Variants in CDC42SE2 observed in about 807,000 individuals in gnomAD.
The protein encoded by CDC42SE2 is CDC42 small effector protein 2.
CDC42SE2 carries 3 observed loss-of-function variants against 11.5 expected under a neutral mutation model. The ratio of observed to expected loss-of-function variants is 0.26; its 90% CI spans 0.12 to 0.67. The LOEUF (loss-of-function observed/expected upper bound fraction) is 0.67, where lower values mean the gene tolerates loss of function less well. CDC42SE2 is among the 30% of genes least tolerant of loss of function. The pLI, the probability that CDC42SE2 is intolerant of heterozygous loss-of-function variation, is 0.80. For missense variants in CDC42SE2, 82 were observed against 106.8 expected (o/e 0.77, Z 1.02); for synonymous variants, 33 against 34.8 (o/e 0.95, Z 0.18).
chr5:131,308,729 T>C (rs1190797934), intron 1 of CDC42SE2, among the ~76,000 whole-genome samples: 2 of 148,314 alleles, frequency 1.3e-5, no homozygotes, highest in Non-Finnish European at 3.0e-5. Flanking sequence ...AGTTCACTCA[T>C]GATTTGGCTC....
At chr5:131,292,472 G>A (rs1334806977) in intron 1 of CDC42SE2, among the ~76,000 whole-genome samples, 3 of 150,144 alleles carry the variant, frequency 2.0e-5, no homozygotes, top group African/African-American at 7.3e-5. Flanking sequence ...GGAGGCTGAG[G>A]CAGGAGAATT....
At chr5:131,339,100 T>C (rs941203837) in intron 2 of CDC42SE2, among the ~76,000 whole-genome samples, 1 of 151,122 alleles carries the variant, frequency 6.6e-6, no homozygotes, top group Admixed American at 6.6e-5. Flanking sequence ...AGAAATAAAT[T>C]AGCTGGGCGT....
chr5:131,296,696 A>T (rs1357921166), intron 1 of CDC42SE2, among the ~76,000 whole-genome samples: 1 of 152,196 alleles, frequency 6.6e-6, no homozygotes. Context: ...GTAAGGTCAC[A>T]TTCAGAGGTA....
At chr5:131,354,935 A>C (rs919584939) in intron 2 of CDC42SE2, among the ~76,000 whole-genome samples, 1 of 152,166 alleles carries the variant, frequency 6.6e-6, no homozygotes, top group African/African-American at 2.4e-5. Flanking sequence ...CTCATGCTTC[A>C]GCTGCGCCAA....
At chr5:131,306,790 C>A (rs1757786946) in intron 1 of CDC42SE2, among the ~76,000 whole-genome samples, 1 of 152,042 alleles carries the variant, frequency 6.6e-6, no homozygotes, top group African/African-American at 2.4e-5. Flanking sequence ...TAGTTTTCAG[C>A]CTACAGATCT....
At chr5:131,347,507 A>G (rs1367167385) in intron 2 of CDC42SE2, among the ~76,000 whole-genome samples, 1 of 152,214 alleles carries the variant, frequency 6.6e-6, no homozygotes, top group Non-Finnish European at 1.5e-5. Context: ...GCAATAATCA[A>G]TAGCCTACCA....
At chr5:131,285,403 A>G (rs539604233) in intron 1 of CDC42SE2, among the ~76,000 whole-genome samples, 2 of 152,326 alleles carry the variant, frequency 1.3e-5, no homozygotes, top group Admixed American at 6.5e-5. Flanking sequence ...TTAATATTCT[A>G]TATTGATTCA....
At chr5:131,247,341 G>A (rs536589023) in intron 1 of CDC42SE2, among the ~76,000 whole-genome samples, 20 of 152,204 alleles carry the variant, frequency 1.3e-4, no homozygotes, top group Middle Eastern at 3.4e-3. Context: ...TAAAACAGCC[G>A]GGCGAGGTGG....
chr5:131,273,216 C>T (rs1232497132), intron 1 of CDC42SE2, among the ~76,000 whole-genome samples: 5 of 146,636 alleles, frequency 3.4e-5, no homozygotes, highest in East Asian at 2.0e-4. Context: ...AGTGCAGTGG[C>T]GTGATCTTGG....
chr5:131,212,704 T>C, the CDC42SE2 span, among the ~76,000 whole-genome samples: 1 of 152,174 alleles, frequency 6.6e-6, no homozygotes, highest in Non-Finnish European at 1.5e-5. Context: ...CTTTCTGGCA[T>C]ATGGGGATTT....
intron 1 of CDC42SE2, among the ~76,000 whole-genome samples, chr5:131,290,308 G>A (rs922586391): frequency 3.3e-5 from 5 of 152,100 alleles, no homozygotes; most frequent in African/African-American, 9.7e-5. Context: ...CCCCTGGAAA[G>A]TATCAAACCT....
chr5:131,352,625 G>T (rs1749376710), intron 2 of CDC42SE2, among the ~76,000 whole-genome samples: 1 of 152,202 alleles, frequency 6.6e-6, no homozygotes, highest in Non-Finnish European at 1.5e-5. Context: ...CAGAGAAGTA[G>T]CTGTGTGATA....
At chr5:131,223,817 C>G in the CDC42SE2 span, among the ~76,000 whole-genome samples, 1 of 152,180 alleles carries the variant, frequency 6.6e-6, no homozygotes, top group African/African-American at 2.4e-5. Flanking sequence ...CTCAACTTTT[C>G]CTTTACCACT....
At chr5:131,235,079 A>G in the CDC42SE2 span, among the ~76,000 whole-genome samples, 1 of 151,372 alleles carries the variant, frequency 6.6e-6, no homozygotes. Context: ...TTAGTAGAGA[A>G]GCGGTTTCAC....
chr5:131,265,142 G>C (rs1478733974), intron 1 of CDC42SE2, among the ~76,000 whole-genome samples: 1 of 152,002 alleles, frequency 6.6e-6, no homozygotes, highest in African/African-American at 2.4e-5. Context: ...ACGTTTTTTA[G>C]TTTTTGTCCC....
intron 1 of CDC42SE2, among the ~76,000 whole-genome samples, chr5:131,309,798 A>T (rs369177932): frequency 3.3e-5 from 5 of 151,898 alleles, no homozygotes; most frequent in Admixed American, 6.6e-5. Context: ...TGATATCCCC[A>T]TTATCATTTT....
In CDC42SE2 at chr5:131,393,542, G is replaced by A. The variant is rs1487911019; in HGVS notation, c.*2451G>A. On this transcript the variant is annotated 3_prime_UTR_variant, in exon 5 of 5. Transcript: ENST00000505065. ...TGATTCACCAAGTGGATGTTGCATT[G>A]TGGAATTTGCCTGAGTACTGTTGTC... is the stretch of plus-strand genomic sequence containing the variant. 1 of 152,364 alleles carries A rather than the reference G, an allele frequency of 6.6e-6. No individual in the cohort carries two copies. The highest frequency in any genetic ancestry group is 2.4e-5 in the African/African-American group (1 of 41,458). The allele number at this position is 152,364 out of a possible 1,614,324, so 9.4% of individuals were successfully genotyped here.
chr5:131,273,261 T>G (rs1163589225), intron 1 of CDC42SE2, among the ~76,000 whole-genome samples: 1 of 149,366 alleles, frequency 6.7e-6, no homozygotes, highest in Non-Finnish European at 1.5e-5. Flanking sequence ...GTTCAAGTGA[T>G]TCTCCTGTCT....
chr5:131,331,542 A>C (rs1758419566), intron 2 of CDC42SE2, among the ~76,000 whole-genome samples: 1 of 152,218 alleles, frequency 6.6e-6, no homozygotes, highest in South Asian at 2.1e-4. Flanking sequence ...ATATTTGTCA[A>C]AGTATATAGT....
Sources: allele counts gnomAD v4.1 joint callset (sites outside exome capture counted in the v4.1 genomes callset), GRCh38; gene constraint gnomAD v4.1.1; transcripts MANE v1.5; gene names NCBI Gene and HGNC (gene_info 2026-07-23, HGNC 2026-07-21).